SIK3: variants seen among roughly 807,000 people sequenced by gnomAD.
SIK3 encodes the protein SIK family kinase 3.
In SIK3, 28 loss-of-function variants were observed where a neutral mutation model predicts 144.2. The observed-to-expected ratio is 0.19, with a 90% CI of 0.14 to 0.27. The LOEUF is 0.27. Among genes scored for constraint, SIK3 ranks in the 10% least tolerant of loss-of-function variants. SIK3 has a pLI of 1.00. For synonymous variants in SIK3, 686 were observed against 676.3 expected (o/e 1.01, Z -0.22); for missense variants, 1,319 against 1,776.0 (o/e 0.74, Z 4.62).
intron 6 of SIK3, among the ~76,000 whole-genome samples, chr11:116,878,670 G>A (rs1357841873): frequency 6.6e-6 from 1 of 152,150 alleles, no homozygotes; most frequent in Non-Finnish European, 1.5e-5. Context: ...GTGAGCCACC[G>A]CGCTTGGCCC....
chr11:116,855,111 T>TAAAAAAAAAAAAAAAAAAAAA (rs1942797661), intron 21 of SIK3, among the ~76,000 whole-genome samples: 1 of 115,518 alleles, frequency 8.7e-6, no homozygotes, highest in Admixed American at 7.8e-5. Context: ...AAAAAAAAAC[T>TAAAAAAAAAAAAAAAAAAAAA]TGAGTTTTTT....
In SIK3 at chr11:116,910,802, G is replaced by A. The variant is rs148735570; in HGVS notation, c.617-13485C>T. Reference sequence around the variant, plus strand: ...AATCCAGAAGAATGACAACTTCAATGTAAGTGAAAAACAAGAACAACAACA... The same window carrying A: ...AATCCAGAAGAATGACAACTTCAATATAAGTGAAAAACAAGAACAACAACA... On this transcript the variant is annotated intron_variant, in intron 4 of 24. Transcript: ENST00000445177. Among the ~76,000 whole-genome samples, 20 of 152,206 alleles carry A rather than the reference G, an allele frequency of 1.3e-4. No individual in the cohort carries two copies. In the East Asian group the frequency reaches 3.9e-3, roughly 29 times the overall value.
chr11:116,945,023 G>A (rs1187705337), intron 3 of SIK3, among the ~76,000 whole-genome samples: 1 of 151,630 alleles, frequency 6.6e-6, no homozygotes, highest in Non-Finnish European at 1.5e-5. Flanking sequence ...GCAGTGGCTG[G>A]ATCTCGACTC....
In SIK3 at chr11:116,900,915, A is replaced by G. The variant is rs1404736601; in HGVS notation, c.617-3598T>C. Among the ~76,000 whole-genome samples the G allele has an allele frequency of 9.3e-5, 14 of 150,278 alleles. No individual in the cohort carries two copies. In the South Asian group the frequency reaches 1.5e-3, roughly 16 times the overall value. On this transcript the variant is annotated intron_variant, in intron 4 of 24. Transcript: ENST00000445177. ...GTTTCACTCTTGTTGCCTAGGCTGG[A>G]GTGCAGTGGTGCGATCTTGGCTCAC...
chr11:116,969,184 G>A lies in SIK3; in HGVS notation c.274-12120C>T, dbSNP rs1041423061. ...AGGCGCCTGTAGTCCCAGCTACTCG[G>A]GAGGCTGAGGCAGAAGAATGGCGTG... On this transcript the variant is annotated intron_variant, in intron 1 of 24. Transcript: ENST00000445177. Among the ~76,000 whole-genome samples, 7 of 151,504 alleles carry A rather than the reference G, an allele frequency of 4.6e-5. No individual in the cohort carries two copies. In the East Asian group the frequency reaches 1.4e-3, roughly 29 times the overall value.
chr11:117,095,761 G>A (rs569446793), intron 1 of SIK3, among the ~76,000 whole-genome samples: 25 of 152,318 alleles, frequency 1.6e-4, no homozygotes, highest in African/African-American at 5.8e-4. Context: ...TGTAGTCAGA[G>A]TAATTTAAGC....
At chr11:116,950,606 C>T (rs73592283) in intron 3 of SIK3, among the ~76,000 whole-genome samples, 3,021 of 152,280 alleles carry the variant, frequency 0.02, 106 homozygotes, top group African/African-American at 0.068. Context: ...TTAAAAGTAA[C>T]CAATACACTG....
At chr11:117,078,870 T>C (rs1954666680) in intron 1 of SIK3, among the ~76,000 whole-genome samples, 1 of 152,164 alleles carries the variant, frequency 6.6e-6, no homozygotes, top group Non-Finnish European at 1.5e-5. Context: ...TACCCCTCTG[T>C]GTATTTTGCA....
At position 117,065,232 on chromosome 11, in the gene SIK3, G is replaced by A. The variant is rs191591790; in HGVS notation, c.273+32911C>T. On this transcript the variant is annotated intron_variant, in intron 1 of 24. Coordinates refer to ENST00000445177, the MANE Select transcript of SIK3 (RefSeq NM_001366686.3). ...ATTCTTACCCAACATAAAATGAGAC[G>A]TAGCTTGGTTTCTTCCCTTGTTCTG... Among the ~76,000 whole-genome samples, 12 of 151,662 alleles carry A rather than the reference G, an allele frequency of 7.9e-5. No homozygotes were observed. In the East Asian group the frequency reaches 9.7e-4, roughly 12 times the overall value.
intron 1 of SIK3, among the ~76,000 whole-genome samples, chr11:117,011,258 T>C (rs963227862): frequency 2.0e-5 from 3 of 152,082 alleles, no homozygotes; most frequent in Admixed American, 2.0e-4. Context: ...ACTTTCTGCA[T>C]TAAGGATGCT....
chr11:116,973,480 C>A (rs1233798020), intron 1 of SIK3, among the ~76,000 whole-genome samples: 1 of 152,192 alleles, frequency 6.6e-6, no homozygotes, highest in Admixed American at 6.5e-5. Context: ...AAGCTCTCCA[C>A]TGGAAAAGTA....
At position 116,844,236 on chromosome 11, in the gene SIK3, A is replaced by G. The variant is rs1248791733; in HGVS notation, c.*1407T>C. 4 of 152,190 alleles carry G rather than the reference A, an allele frequency of 2.6e-5. No homozygotes were observed. Among genetic ancestry groups the G allele is most frequent in the Non-Finnish European group, 4.4e-5 (3 of 68,048 alleles). The allele number at this position is 152,190 out of a possible 1,614,324, so 9.4% of individuals were successfully genotyped here. A position where few individuals can be genotyped will look rare whatever the true frequency, so the allele number is the denominator to read the frequency against. ...TAGCTACTGCGTATGCACTGCTTCA[A>G]CTGGGGAAAGGAGACCACTGCATCT... is the stretch of plus-strand genomic sequence containing the variant. On this transcript the variant is annotated 3_prime_UTR_variant, in exon 25 of 25. Transcript: ENST00000445177.
chr11:116,922,973 A>G (rs1201598186), intron 4 of SIK3, among the ~76,000 whole-genome samples: 4 of 132,890 alleles, frequency 3.0e-5, no homozygotes, highest in Non-Finnish European at 4.6e-5. Flanking sequence ...TTGGAGTGCA[A>G]TGGCGTGATC....
At chr11:116,903,076 AC>A (rs1386151188) in intron 4 of SIK3, among the ~76,000 whole-genome samples, 1 of 152,198 alleles carries the variant, frequency 6.6e-6, no homozygotes, top group Non-Finnish European at 1.5e-5. Context: ...CTATAACATA[AC>A]TTATTTTCTG....
intron 1 of SIK3, among the ~76,000 whole-genome samples, chr11:116,977,330 C>T (rs936023558): frequency 6.6e-6 from 1 of 151,152 alleles, no homozygotes; most frequent in Non-Finnish European, 1.5e-5. Flanking sequence ...ATCCTCCCTC[C>T]TCAGTCCCAC....
At chr11:116,967,094 G>A (rs546347359) in intron 1 of SIK3, among the ~76,000 whole-genome samples, 4 of 152,120 alleles carry the variant, frequency 2.6e-5, no homozygotes, top group Admixed American at 1.3e-4. Context: ...TGGCAATAGG[G>A]CCTAAAATAC....
intron 3 of SIK3, among the ~76,000 whole-genome samples, chr11:116,947,562 TGTATG>T (rs1261617906): frequency 6.7e-4 from 42 of 63,156 alleles, no homozygotes; most frequent in Non-Finnish European, 1.4e-3. Flanking sequence ...TATGTATGTA[TGTATG>T]TATTTTTTTT....
intron 21 of SIK3, among the ~76,000 whole-genome samples, chr11:116,850,966 G>C (rs1441067237): frequency 6.6e-6 from 1 of 152,194 alleles, no homozygotes; most frequent in East Asian, 1.9e-4. Flanking sequence ...CCAAGACCAT[G>C]CCACTGCACT....
rs574914474 is a variant in SIK3 at position 116,852,165 on chromosome 11, T to C, written c.3656-2882A>G. ...CTGGTTGGAGCCTTCCTGCCTCTTC[T>C]GGAGGCCTCAGTGTTTTGGTTTGTT... is the stretch of plus-strand genomic sequence containing the variant. On this transcript the variant is annotated intron_variant, in intron 21 of 24. Coordinates refer to ENST00000445177, the MANE Select transcript of SIK3 (RefSeq NM_001366686.3). Among the ~76,000 whole-genome samples the C allele has an allele frequency of 3.9e-5, 6 of 152,362 alleles. No individual in the cohort carries two copies. In the East Asian group the frequency reaches 9.7e-4, roughly 25 times the overall value.
Sources: allele counts gnomAD v4.1 joint callset (sites outside exome capture counted in the v4.1 genomes callset), GRCh38; gene constraint gnomAD v4.1.1; transcripts MANE v1.5; gene names NCBI Gene and HGNC (gene_info 2026-07-23, HGNC 2026-07-21).